ST6GALNAC3: variants seen among roughly 807,000 people sequenced by gnomAD.
The protein encoded by ST6GALNAC3 is alpha-N-acetylgalactosaminide alpha-2,6-sialyltransferase 3.
Under a neutral mutation model 32.7 loss-of-function variants are expected in ST6GALNAC3, and 25 were observed. The observed-to-expected ratio is 0.76, with a 90% CI of 0.56 to 1.07. ST6GALNAC3 has a LOEUF of 1.07. ST6GALNAC3 is among the 50% of genes least tolerant of loss of function. The probability of loss-of-function intolerance (pLI) is 0.00; values close to 1 mark genes in which losing one functional copy is unlikely to be tolerated. For synonymous variants in ST6GALNAC3, 129 were observed against 133.1 expected (o/e 0.97, Z 0.21); for missense variants, 355 against 382.4 (o/e 0.93, Z 0.60).
At chr1:76,636,578 G>C (rs1430751309), downstream of ST6GALNAC3, among the ~76,000 whole-genome samples, 1 of 151,996 alleles carries the variant, frequency 6.6e-6, no homozygotes, top group African/African-American at 2.4e-5. Context: ...CAACATCACA[G>C]GGCATATTTC....
intron 1 of ST6GALNAC3, among the ~76,000 whole-genome samples, chr1:76,218,265 T>C (rs530766585): frequency 6.6e-6 from 1 of 152,342 alleles, no homozygotes; most frequent in East Asian, 1.9e-4. Context: ...ATGGATCTGA[T>C]TACTCACCCT....
In ST6GALNAC3 at chr1:76,569,659, CTCG is replaced by C. The variant is rs567018361; in HGVS notation, c.624-57791_624-57789del. 7.6e-4 allele frequency among the ~76,000 whole-genome samples: 115 copies of C among 152,178 alleles called. 1 individual carries two copies. The highest frequency in any genetic ancestry group is 2.6e-3 in the African/African-American group (110 of 41,546). ...CTCCTAATAGGACTACAATTAAGAT[CTCG>C]TAGGACAGCATTTCGGGAATTTCTT... On this transcript the variant is annotated intron_variant, in intron 3 of 4. Coordinates refer to ENST00000328299, the MANE Select transcript of ST6GALNAC3 (RefSeq NM_152996.4).
chr1:76,395,693 G>A lies in ST6GALNAC3; in HGVS notation c.214-16315G>A, dbSNP rs1652902770. On this transcript the variant is annotated intron_variant, in intron 2 of 4. Coordinates refer to ENST00000328299, the MANE Select transcript of ST6GALNAC3 (RefSeq NM_152996.4). ...CAGCATCATGAATGGAACTGGGGGT[G>A]ATTCTGTTAAGTGAAATAAGCCAGG... Among the ~76,000 whole-genome samples the A allele has an allele frequency of 1.3e-5, 2 of 152,092 alleles. 1 individual carries two copies. Among genetic ancestry groups the A allele is most frequent in the South Asian group, 4.1e-4 (2 of 4,820 alleles).
At chr1:76,416,627 GT>G (rs758529243) in intron 3 of ST6GALNAC3, among the ~76,000 whole-genome samples, 35 of 113,460 alleles carry the variant, frequency 3.1e-4, no homozygotes, top group Admixed American at 6.0e-4. Context: ...TGTGGGTTTT[GT>G]TTTTTTTTTT....
intron 3 of ST6GALNAC3, among the ~76,000 whole-genome samples, chr1:76,469,079 G>A (rs548631511): frequency 2.6e-5 from 4 of 152,132 alleles, no homozygotes; most frequent in African/African-American, 9.6e-5. Flanking sequence ...TGTTATTTGT[G>A]CAGAAAACAA....
At chr1:76,427,848 T>C (rs570816254) in intron 3 of ST6GALNAC3, among the ~76,000 whole-genome samples, 3 of 152,188 alleles carry the variant, frequency 2.0e-5, no homozygotes, top group South Asian at 4.1e-4. Context: ...CTCAGAACCA[T>C]GTAATGCAAC....
chr1:76,416,627 G>GTTTTT (rs758529243), intron 3 of ST6GALNAC3, among the ~76,000 whole-genome samples: 38 of 113,460 alleles, frequency 3.3e-4, no homozygotes, highest in African/African-American at 7.7e-4. Flanking sequence ...TGTGGGTTTT[G>GTTTTT]TTTTTTTTTT....
At chr1:76,362,223 A>T (rs554131528) in intron 2 of ST6GALNAC3, among the ~76,000 whole-genome samples, 1 of 152,174 alleles carries the variant, frequency 6.6e-6, no homozygotes, top group South Asian at 2.1e-4. Flanking sequence ...AAACAACCGG[A>T]TCTCTTGACA....
intron 2 of ST6GALNAC3, among the ~76,000 whole-genome samples, chr1:76,373,806 C>A (rs1651010896): frequency 6.6e-6 from 1 of 152,172 alleles, no homozygotes; most frequent in Admixed American, 6.6e-5. Flanking sequence ...TGTTAGGTTT[C>A]ACATAAAAAA....
chr1:76,191,365 T>C (rs907941256), intron 1 of ST6GALNAC3, among the ~76,000 whole-genome samples: 6 of 151,310 alleles, frequency 4.0e-5, no homozygotes, highest in African/African-American at 1.5e-4. Flanking sequence ...ATACTAGGAA[T>C]TGGGGAGGTA....
intron 3 of ST6GALNAC3, among the ~76,000 whole-genome samples, chr1:76,581,239 C>A (rs1646887978): frequency 6.6e-6 from 1 of 152,032 alleles, no homozygotes; most frequent in African/African-American, 2.4e-5. Flanking sequence ...CCATAAAGAT[C>A]ATTCTTTTTA....
In ST6GALNAC3 at chr1:76,594,285, A is replaced by G. The variant is rs192591062; in HGVS notation, c.624-33167A>G. Among the ~76,000 whole-genome samples the G allele has an allele frequency of 2.0e-5, 3 of 152,338 alleles. No homozygotes were observed. The East Asian group carries it at 5.8e-4, about 29-fold the overall frequency. On this transcript the variant is annotated intron_variant, in intron 3 of 4. Transcript: ENST00000328299. ...CTCATCAGTCAATATTACAAATATG[A>G]CATTCTTTTATTTCCATCTGCAAAA...
chr1:76,424,079 A>T (rs1183641423), intron 3 of ST6GALNAC3, among the ~76,000 whole-genome samples: 1 of 151,990 alleles, frequency 6.6e-6, no homozygotes, highest in African/African-American at 2.4e-5. Context: ...GACATGTTCT[A>T]TATTTCTGAT....
intron 1 of ST6GALNAC3, among the ~76,000 whole-genome samples, chr1:76,138,006 G>T (rs1053238021): frequency 2.6e-5 from 4 of 152,056 alleles, no homozygotes; most frequent in African/African-American, 9.7e-5. Flanking sequence ...GTAAAACTTC[G>T]CTCTATATTC....
At chr1:76,524,368 A>G (rs1458363848) in intron 3 of ST6GALNAC3, among the ~76,000 whole-genome samples, 1 of 152,098 alleles carries the variant, frequency 6.6e-6, no homozygotes, top group East Asian at 1.9e-4. Flanking sequence ...TGCCTGTATT[A>G]CAGTTATCTG....
chr1:76,259,349 T>A (rs561227049), intron 1 of ST6GALNAC3, among the ~76,000 whole-genome samples: 2 of 152,184 alleles, frequency 1.3e-5, no homozygotes, highest in African/African-American at 4.8e-5. Context: ...GGAGATCCAA[T>A]GTTCCATCTA....
At chr1:76,366,396 C>CA (rs909962666) in intron 2 of ST6GALNAC3, among the ~76,000 whole-genome samples, 5 of 152,016 alleles carry the variant, frequency 3.3e-5, no homozygotes, top group African/African-American at 9.7e-5. Flanking sequence ...ATTCTAAGTG[C>CA]AAAAAATGTG....
At chr1:76,345,509 A>G (rs1648429142) in intron 2 of ST6GALNAC3, among the ~76,000 whole-genome samples, 1 of 152,174 alleles carries the variant, frequency 6.6e-6, no homozygotes, top group Non-Finnish European at 1.5e-5. Context: ...AGATGTTCAC[A>G]GCAAGGTCTA....
At position 76,196,717 on chromosome 1, in the gene ST6GALNAC3, C is replaced by T. The variant is rs112677680; in HGVS notation, c.19-117088C>T. ...CTGACCTTAGGTGATCCGCCCACCT[C>T]GGCCTCCCAAAGTGCTATTACAGGT... On this transcript the variant is annotated intron_variant, in intron 1 of 4. Transcript: ENST00000328299. Among the ~76,000 whole-genome samples the T allele has an allele frequency of 3.8e-3, 586 of 152,254 alleles. 5 individuals are homozygous for T. The highest frequency in any genetic ancestry group is 0.013 in the African/African-American group (537 of 41,558).
Sources: gnomAD v4.1 joint callset for allele counts (sites outside exome capture counted in the v4.1 genomes callset) on GRCh38, gnomAD v4.1.1 for gene constraint, MANE v1.5 for transcripts, NCBI Gene and HGNC (gene_info 2026-07-23, HGNC 2026-07-21) for gene names.